The following KAZN variants were observed in gnomAD, a reference collection of about 807,000 sequenced individuals.
The protein encoded by KAZN is kazrin.
In KAZN, 40 loss-of-function variants were observed where a neutral mutation model predicts 87.4. The observed-to-expected ratio is 0.46, with a 90% CI of 0.36 to 0.60. KAZN has a LOEUF of 0.60. Ranked by LOEUF, KAZN falls within the 20% of genes least tolerant of loss-of-function variation. The pLI is 0.00. For missense variants in KAZN, 898 were observed against 1,073.9 expected (o/e 0.84, Z 2.29); for synonymous variants, 466 against 458.3 (o/e 1.02, Z -0.22).
intron 2 of KAZN, among the ~76,000 whole-genome samples, chr1:14,530,508 G>T (rs1170629502): frequency 6.6e-6 from 1 of 152,120 alleles, no homozygotes. Context: ...GAGGTGTTTT[G>T]GTCATGGGGG....
chr1:14,908,121 G>A (rs575605536), intron 1 of KAZN, among the ~76,000 whole-genome samples: 4 of 152,362 alleles, frequency 2.6e-5, no homozygotes, highest in East Asian at 3.9e-4. Flanking sequence ...TAGGGTCAGC[G>A]GCACGGTGGC....
At chr1:14,698,684 C>G (rs1641754551) in intron 1 of KAZN, among the ~76,000 whole-genome samples, 1 of 152,238 alleles carries the variant, frequency 6.6e-6, no homozygotes, top group African/African-American at 2.4e-5. Context: ...GTAACGTCTA[C>G]CTCTGCTGCT....
chr1:14,026,963 G>A (rs1641104947), intron 1 of KAZN, among the ~76,000 whole-genome samples: 1 of 151,926 alleles, frequency 6.6e-6, no homozygotes, highest in Non-Finnish European at 1.5e-5. Context: ...CAGGTGAAGA[G>A]AGTAAGGGAA....
At chr1:14,601,034 A>G (rs1676929291) in intron 1 of KAZN, among the ~76,000 whole-genome samples, 1 of 152,230 alleles carries the variant, frequency 6.6e-6, no homozygotes, top group African/African-American at 2.4e-5. Flanking sequence ...ACACAAATGC[A>G]CAGGGCTGTG....
At chr1:14,016,661 A>G (rs1640588502) in intron 1 of KAZN, among the ~76,000 whole-genome samples, 2 of 152,030 alleles carry the variant, frequency 1.3e-5, no homozygotes, top group African/African-American at 2.4e-5. Flanking sequence ...CTGCTCCCCA[A>G]ATAGATTTTT....
chr1:14,019,332 C>T (rs7512633), intron 1 of KAZN, among the ~76,000 whole-genome samples: 3,379 of 152,242 alleles, frequency 0.022, 118 homozygotes, highest in African/African-American at 0.076. Flanking sequence ...TCAAGACCCA[C>T]TGGGAACACA....
In KAZN at chr1:13,899,953, A is replaced by G. The variant is rs141028039; in HGVS notation, c.91+6197A>G. On this transcript the variant is annotated intron_variant, in intron 1 of 16. Coordinates refer to the KAZN transcript ENST00000636203. ...TGTCTTTGGACCCTCTGTGCCTTAT[A>G]TGGTGCTGACAATGTAGCAGCTTTC... Among the ~76,000 whole-genome samples, 1,027 of 152,112 alleles carry G rather than the reference A, an allele frequency of 6.8e-3. 11 individuals are homozygous for G. The highest frequency in any genetic ancestry group is 0.023 in the African/African-American group (972 of 41,478).
chr1:14,104,410 A>AT (rs907095790), intron 1 of KAZN, among the ~76,000 whole-genome samples: 27 of 150,856 alleles, frequency 1.8e-4, no homozygotes, highest in East Asian at 1.4e-3. Context: ...GGATGTGGTG[A>AT]TTTTTTTTTT....
chr1:14,419,509 G>C (rs1266812161), intron 2 of KAZN, among the ~76,000 whole-genome samples: 3 of 152,226 alleles, frequency 2.0e-5, no homozygotes, highest in Non-Finnish European at 4.4e-5. Context: ...TGTTAGGCCA[G>C]TTCCCTCTGT....
At chr1:14,604,091 G>A (rs1477177876) in intron 1 of KAZN, among the ~76,000 whole-genome samples, 2 of 152,150 alleles carry the variant, frequency 1.3e-5, no homozygotes, top group Non-Finnish European at 2.9e-5. Flanking sequence ...ATATCAGGGG[G>A]TTCTGCCTGC....
chr1:14,200,752 A>G (rs1646622133), intron 2 of KAZN, among the ~76,000 whole-genome samples: 1 of 152,104 alleles, frequency 6.6e-6, no homozygotes, highest in Non-Finnish European at 1.5e-5. Context: ...TAAGCGAAGT[A>G]CTTAATGCAC....
Position 14,960,874 on chromosome 1 carries a change from G to A in KAZN, c.417G>A (p.Gln139=), listed in dbSNP as rs1663772705. 9 of 1,600,548 alleles carry A rather than the reference G, an allele frequency of 5.6e-6. No individual in the cohort carries two copies. The South Asian group carries it at 1.0e-4, about 18-fold the overall frequency. ...QELARAKEAL[Q]AMKADRKRLK... is the part of the protein sequence containing the mutation. ...TAGCCAGAGCCAAAGAAGCCTTGCA[G>A]GGTGAGTGACGAGTCAGCAGCAGTT... Residue 139 remains glutamine (Q), a splice_region_variant and synonymous_variant, in exon 2 of 15, where the codon CAG becomes CAA. Transcript: ENST00000376030.
At chr1:14,414,269 C>T (rs1025820941) in intron 2 of KAZN, among the ~76,000 whole-genome samples, 5 of 147,204 alleles carry the variant, frequency 3.4e-5, no homozygotes, top group South Asian at 4.2e-4. Context: ...TAAGAATATA[C>T]GGAAAAGACT....
intron 1 of KAZN, among the ~76,000 whole-genome samples, chr1:14,054,617 A>G (rs1035448386): frequency 3.3e-5 from 5 of 152,220 alleles, no homozygotes; most frequent in African/African-American, 1.2e-4. Flanking sequence ...AATAAAAGAG[A>G]TGACATAAGG....
At chr1:14,021,851 A>G (rs1640839577) in intron 1 of KAZN, among the ~76,000 whole-genome samples, 1 of 152,198 alleles carries the variant, frequency 6.6e-6, no homozygotes, top group Non-Finnish European at 1.5e-5. Flanking sequence ...CATTACAAAT[A>G]GAAATTCAAA....
At chr1:14,998,157 A>G (rs1573017653) in intron 2 of KAZN, among the ~76,000 whole-genome samples, 1 of 149,992 alleles carries the variant, frequency 6.7e-6, no homozygotes. Context: ...GGCGGGGGGG[A>G]GGGGCAGCGC....
chr1:15,051,652 C>T (rs553033204), intron 4 of KAZN, among the ~76,000 whole-genome samples: 11 of 152,312 alleles, frequency 7.2e-5, no homozygotes, highest in East Asian at 5.8e-4. Flanking sequence ...AACGAAGGCA[C>T]GGAGAGGTGT....
At position 14,889,323 on chromosome 1, in the gene KAZN, G is replaced by A. The variant is rs572916468; in HGVS notation, c.227-71361G>A. Among the ~76,000 whole-genome samples the A allele has an allele frequency of 2.1e-4, 32 of 152,188 alleles. No homozygotes were observed. The South Asian group carries it at 6.0e-3, about 29-fold the overall frequency. ...AGTTTATAATTATTAACAAATAAGA[G>A]AACAAAAAGACCTAGGAATTATAAA... On this transcript the variant is annotated intron_variant, in intron 1 of 14. Coordinates refer to ENST00000376030, the MANE Select transcript of KAZN (RefSeq NM_201628.3).
At chr1:13,971,464 A>T (rs922002413) in intron 1 of KAZN, among the ~76,000 whole-genome samples, 1 of 152,154 alleles carries the variant, frequency 6.6e-6, no homozygotes, top group Non-Finnish European at 1.5e-5. Context: ...TCATGGTTTC[A>T]TATGCATGCA....
Sources: allele counts gnomAD v4.1 joint callset (sites outside exome capture counted in the v4.1 genomes callset), GRCh38; gene constraint gnomAD v4.1.1; transcripts MANE v1.5; gene names NCBI Gene and HGNC (gene_info 2026-07-23, HGNC 2026-07-21).